Variants in PRKN observed in about 807,000 individuals in gnomAD.
The protein encoded by PRKN is parkin RBR E3 ubiquitin protein ligase.
Under a neutral mutation model 59.5 loss-of-function variants are expected in PRKN, and 56 were observed. The ratio of observed to expected loss-of-function variants is 0.94; its 90% CI spans 0.76 to 1.18. The LOEUF (loss-of-function observed/expected upper bound fraction) is 1.18. Among genes scored for constraint, PRKN ranks in the 50% most tolerant of loss-of-function variants. The pLI is 0.00. For missense variants in PRKN, 657 were observed against 596.4 expected (o/e 1.10, Z -1.06); for synonymous variants, 250 against 222.1 (o/e 1.13, Z -1.12).
intron 9 of PRKN, among the ~76,000 whole-genome samples, chr6:161,439,342 A>G (rs1789080530): frequency 6.6e-6 from 1 of 152,198 alleles, no homozygotes; most frequent in Non-Finnish European, 1.5e-5. Context: ...GATGGGGAGC[A>G]CTCCTAGCAG....
chr6:161,983,815 A>ATGAG (rs1781333263), intron 5 of PRKN, among the ~76,000 whole-genome samples: 1 of 110,208 alleles, frequency 9.1e-6, no homozygotes, highest in African/African-American at 3.9e-5. Context: ...TAGATGACAC[A>ATGAG]TTAGTGGGTG....
intron 1 of PRKN, among the ~76,000 whole-genome samples, chr6:162,675,149 CG>C (rs1340018539): frequency 4.4e-5 from 2 of 45,374 alleles, no homozygotes; most frequent in Non-Finnish European, 7.9e-5. Context: ...CAGGTTCAAG[CG>C]AATTCTCCTG....
At chr6:161,616,505 G>A (rs532912500) in intron 7 of PRKN, among the ~76,000 whole-genome samples, 2 of 151,616 alleles carry the variant, frequency 1.3e-5, no homozygotes, top group East Asian at 3.9e-4. Flanking sequence ...GTGGTTTGCT[G>A]CACCCATCAA....
At chr6:161,565,850 CGCAAG>C (rs1404756977) in intron 8 of PRKN, among the ~76,000 whole-genome samples, 1 of 152,136 alleles carries the variant, frequency 6.6e-6, no homozygotes, top group Non-Finnish European at 1.5e-5. Flanking sequence ...AGAGACCCTA[CGCAAG>C]GTTTACCATC....
intron 7 of PRKN, among the ~76,000 whole-genome samples, chr6:161,752,563 C>T (rs1029372432): frequency 2.0e-5 from 3 of 151,344 alleles, no homozygotes; most frequent in Admixed American, 6.6e-5. Flanking sequence ...TGCATTGGTG[C>T]GCACCTGTAG....
chr6:161,968,833 T>C (rs1417394292), intron 6 of PRKN, among the ~76,000 whole-genome samples: 3 of 152,130 alleles, frequency 2.0e-5, no homozygotes, highest in Non-Finnish European at 4.4e-5. Context: ...GACAGTAAAC[T>C]GTATATTTAT....
At chr6:162,193,374 C>T (rs1013298918) in intron 4 of PRKN, among the ~76,000 whole-genome samples, 2 of 152,232 alleles carry the variant, frequency 1.3e-5, no homozygotes, top group Non-Finnish European at 2.9e-5. Context: ...GTTTCTCCCT[C>T]TTCGCCAAAG....
intron 7 of PRKN, among the ~76,000 whole-genome samples, chr6:161,771,387 TAAAATAAAA>T (rs1789686229): frequency 8.2e-6 from 1 of 121,416 alleles, no homozygotes; most frequent in South Asian, 2.6e-4. Flanking sequence ...TAAAATAAAA[TAAAATAAAA>T]TAAAAGCACT....
chr6:161,854,810 C>T lies in PRKN; in HGVS notation c.735-68902G>A, dbSNP rs542001583. Among the ~76,000 whole-genome samples the T allele has an allele frequency of 9.2e-5, 14 of 151,900 alleles. No homozygotes were observed. In the South Asian group the frequency reaches 2.3e-3, roughly 25 times the overall value. On this transcript the variant is annotated intron_variant, in intron 6 of 11. Coordinates refer to ENST00000366898, the MANE Select transcript of PRKN (RefSeq NM_004562.3). ...TCTAGAAAAGTGGTTCTCGGCCGGG[C>T]GCGGTGGCTCATGCCTGTAATCCCA...
chr6:162,454,515 A>C (rs7740563), intron 1 of PRKN, among the ~76,000 whole-genome samples: 1,751 of 152,332 alleles, frequency 0.011, 44 homozygotes, highest in African/African-American at 0.041. Flanking sequence ...ACAAAGAATA[A>C]AAGTGGCTTG....
chr6:161,975,927 A>G (rs997010424), intron 5 of PRKN, among the ~76,000 whole-genome samples: 3 of 151,928 alleles, frequency 2.0e-5, no homozygotes, highest in Admixed American at 6.6e-5. Context: ...TTTTTTTGAG[A>G]CAGAGTCTCA....
intron 1 of PRKN, among the ~76,000 whole-genome samples, chr6:162,605,670 T>C (rs1163122508): frequency 1.3e-5 from 2 of 152,242 alleles, no homozygotes; most frequent in African/African-American, 4.8e-5. Context: ...TGTATACTTA[T>C]ATAGACATAT....
intron 1 of PRKN, among the ~76,000 whole-genome samples, chr6:162,446,537 C>T (rs1037914869): frequency 3.9e-5 from 6 of 152,076 alleles, no homozygotes; most frequent in African/African-American, 1.4e-4. Flanking sequence ...AGAAAAGTTA[C>T]AGATTTAAAG....
At chr6:162,495,361 A>T (rs1793009734) in intron 1 of PRKN, among the ~76,000 whole-genome samples, 1 of 152,152 alleles carries the variant, frequency 6.6e-6, no homozygotes, top group Non-Finnish European at 1.5e-5. Flanking sequence ...TCTGTACAGC[A>T]CTTTTTGGTC....
intron 1 of PRKN, among the ~76,000 whole-genome samples, chr6:162,598,657 AG>A (rs551904526): frequency 9.3e-4 from 141 of 152,246 alleles, no homozygotes; most frequent in African/African-American, 3.3e-3. Flanking sequence ...GTTTGAGACC[AG>A]CCTGGCCAAC....
intron 1 of PRKN, among the ~76,000 whole-genome samples, chr6:162,612,254 G>A (rs1215218750): frequency 7.1e-6 from 1 of 141,814 alleles, no homozygotes; most frequent in African/African-American, 2.6e-5. Flanking sequence ...AACTTAAACA[G>A]AACCTCCATA....
intron 1 of PRKN, among the ~76,000 whole-genome samples, chr6:162,446,535 TAC>T (rs1790324454): frequency 6.6e-6 from 1 of 152,194 alleles, no homozygotes; most frequent in African/African-American, 2.4e-5. Flanking sequence ...ATAGAAAAGT[TAC>T]AGATTTAAAG....
At chr6:162,339,040 G>A (rs1783998099) in intron 2 of PRKN, among the ~76,000 whole-genome samples, 1 of 150,210 alleles carries the variant, frequency 6.7e-6, no homozygotes, top group African/African-American at 2.4e-5. Flanking sequence ...GAGAAGTGAG[G>A]AGCCCCTCCG....
chr6:161,708,154 T>C (rs532215781), intron 7 of PRKN, among the ~76,000 whole-genome samples: 231 of 151,424 alleles, frequency 1.5e-3, no homozygotes, highest in African/African-American at 4.7e-3. Flanking sequence ...TAGTGAATAC[T>C]AAGTTTAGTG....
Sources: gnomAD v4.1 joint callset for allele counts (sites outside exome capture counted in the v4.1 genomes callset) on GRCh38, gnomAD v4.1.1 for gene constraint, MANE v1.5 for transcripts, NCBI Gene and HGNC (gene_info 2026-07-23, HGNC 2026-07-21) for gene names.